Variants in CRYBG1 observed in about 807,000 individuals in gnomAD.
CRYBG1 encodes beta/gamma crystallin domain-containing protein 1.
Under a neutral mutation model 189.2 loss-of-function variants are expected in CRYBG1, and 139 were observed. That is an observed-to-expected ratio of 0.73 (90% CI 0.64 to 0.85). The LOEUF (loss-of-function observed/expected upper bound fraction) is 0.85, where lower values mean the gene tolerates loss of function less well. CRYBG1 is among the 40% of genes least tolerant of loss of function. CRYBG1 has a pLI of 0.00. For synonymous variants in CRYBG1, 1,023 were observed against 1,017.1 expected (o/e 1.01, Z -0.11); for missense variants, 2,611 against 2,675.8 (o/e 0.98, Z 0.53).
At chr6:106,413,876 C>G (rs924977176) in intron 1 of CRYBG1, among the ~76,000 whole-genome samples, 1 of 152,154 alleles carries the variant, frequency 6.6e-6, no homozygotes, top group Non-Finnish European at 1.5e-5. Flanking sequence ...GATGGTAAAG[C>G]TGTGTGATCT....
intron 1 of CRYBG1, among the ~76,000 whole-genome samples, chr6:106,418,827 G>C (rs539742756): frequency 2.9e-4 from 44 of 152,354 alleles, no homozygotes; most frequent in Non-Finnish European, 5.3e-4. Flanking sequence ...AGAGAAAAGA[G>C]AATAGTTCTG....
At chr6:106,547,825 A>C (rs990797805) in intron 13 of CRYBG1, among the ~76,000 whole-genome samples, 4 of 152,168 alleles carry the variant, frequency 2.6e-5, no homozygotes, top group African/African-American at 9.7e-5. Flanking sequence ...CCAGCAACTG[A>C]GGTTTTTAGG....
At chr6:106,509,409 G>GA (rs1773198582) in intron 2 of CRYBG1, among the ~76,000 whole-genome samples, 3 of 151,906 alleles carry the variant, frequency 2.0e-5, no homozygotes, top group African/African-American at 7.3e-5. Flanking sequence ...ATCATACTTC[G>GA]AATTCTTCCT....
chr6:106,568,703 C>G lies in CRYBG1; in HGVS notation c.*137C>G, dbSNP rs1224813350. On this transcript the variant is annotated 3_prime_UTR_variant, in exon 22 of 22. Coordinates refer to ENST00000633556, the MANE Select transcript of CRYBG1 (RefSeq NM_001371242.2). ...ATTCTAAATTCAACCTTAAATCATGCTGCCATGACTCAGAGAACTTACTCA... is the reference window on the plus strand; with the variant it reads ...ATTCTAAATTCAACCTTAAATCATGGTGCCATGACTCAGAGAACTTACTCA... The G allele has an allele frequency of 1.7e-6, 1 of 602,704 alleles. No homozygotes were observed. The highest frequency in any genetic ancestry group is 2.9e-6 in the Non-Finnish European group (1 of 340,888). 37.3% of individuals were successfully genotyped at this position (602,704 alleles called of 1,614,324 possible).
chr6:106,398,426 A>G (rs775585833), intron 1 of CRYBG1, among the ~76,000 whole-genome samples: 3 of 152,196 alleles, frequency 2.0e-5, no homozygotes, highest in African/African-American at 4.8e-5. Context: ...CCTGGATGAC[A>G]GAGCCAGACC....
chr6:106,403,619 A>G (rs1770764777), intron 1 of CRYBG1, among the ~76,000 whole-genome samples: 1 of 152,256 alleles, frequency 6.6e-6, no homozygotes, highest in Admixed American at 6.5e-5. Flanking sequence ...AAACACACAT[A>G]TACACACACG....
chr6:106,542,021 A>T (rs1774141072), intron 10 of CRYBG1, among the ~76,000 whole-genome samples: 1 of 152,118 alleles, frequency 6.6e-6, no homozygotes, highest in South Asian at 2.1e-4. Context: ...CAATTCCCAC[A>T]TCGATGCCAC....
At chr6:106,474,868 C>T (rs547081659) in intron 2 of CRYBG1, among the ~76,000 whole-genome samples, 1 of 152,240 alleles carries the variant, frequency 6.6e-6, no homozygotes, top group South Asian at 2.1e-4. Context: ...AGTTTGTTAA[C>T]TTGATTTGAA....
chr6:106,513,276 A>G (rs979863097), intron 3 of CRYBG1, among the ~76,000 whole-genome samples: 1 of 152,232 alleles, frequency 6.6e-6, no homozygotes, highest in Non-Finnish European at 1.5e-5. Flanking sequence ...TAACGAATGT[A>G]AAAATAGGAT....
chr6:106,394,418 G>T (rs1437532374), intron 1 of CRYBG1, among the ~76,000 whole-genome samples: 1 of 152,112 alleles, frequency 6.6e-6, no homozygotes, highest in Non-Finnish European at 1.5e-5. Context: ...ATATACTTGA[G>T]AATTTATTGT....
rs773415153 is a variant in CRYBG1, at chr6:106,512,371, G to C, written c.1254G>C (p.Ser418=). 4 of 1,611,372 alleles carry C rather than the reference G, an allele frequency of 2.5e-6. No homozygotes were observed. Among genetic ancestry groups the C allele is most frequent in the Non-Finnish European group, 3.4e-6 (4 of 1,179,324 alleles). ...AGAAGAGGTCCAGCGGCCGTAGGTC[G>C]GGGAGGCGGAGGGGGTCGCAGAAAT... The part of the protein sequence containing the change: ...DMEKRSSGRR[S]GRRRGSQKST... Residue 418 remains serine (S), a synonymous_variant, in exon 3 of 22, where the codon TCG becomes TCC. Coordinates refer to ENST00000633556, the MANE Select transcript of CRYBG1 (RefSeq NM_001371242.2).
rs761681792 is a variant in CRYBG1, at chr6:106,563,946, T to C, written c.6301+20T>C. The C allele has an allele frequency of 3.8e-6, 6 of 1,591,658 alleles. No individual in the cohort carries two copies. Among genetic ancestry groups the C allele is most frequent in the Admixed American group, 3.4e-5 (2 of 59,686 alleles). On this transcript the variant is annotated intron_variant, in intron 21 of 21. Coordinates refer to ENST00000633556, the MANE Select transcript of CRYBG1 (RefSeq NM_001371242.2). ...TTAAAGGTAAGGGTCACTTCCTTTA[T>C]TTTCTTTATTGTAATGTGTATGTCT...
At chr6:106,483,735 T>C (rs544619918) in intron 2 of CRYBG1, among the ~76,000 whole-genome samples, 5 of 152,324 alleles carry the variant, frequency 3.3e-5, no homozygotes, top group South Asian at 2.1e-4. Context: ...TGATAACTCA[T>C]TGTGGTTTTG....
At chr6:106,567,996 T>C (rs1774942036) in intron 21 of CRYBG1, among the ~76,000 whole-genome samples, 1 of 146,522 alleles carries the variant, frequency 6.8e-6, no homozygotes, top group Non-Finnish European at 1.5e-5. Context: ...TCATTGTTCA[T>C]GCAAGTGCTG....
chr6:106,412,539 A>C lies in CRYBG1; in HGVS notation c.174-39155A>C, dbSNP rs569117888. 9.9e-5 allele frequency among the ~76,000 whole-genome samples: 15 copies of C among 152,272 alleles called. No homozygotes were observed. In the South Asian group the frequency reaches 2.9e-3, roughly 29 times the overall value. ...TTATTACATTACTGTTTTACCCCAC[A>C]CATGTGTAAGGTGGCATGGATTGTT... On this transcript the variant is annotated intron_variant, in intron 1 of 21. Coordinates refer to ENST00000633556, the MANE Select transcript of CRYBG1 (RefSeq NM_001371242.2).
Position 106,519,489 on chromosome 6 carries a change from C to T in CRYBG1, c.2281C>T (p.Leu761=), listed in dbSNP as rs1444942197. Reference sequence around the variant, plus strand: ...AGTTACCGTCTCGGAAGAAGAGATTCTGCCAGCAACCAGAGGAATGAATGG... The same window carrying T: ...AGTTACCGTCTCGGAAGAAGAGATTTTGCCAGCAACCAGAGGAATGAATGG... ...TKVTVSEEEI[L]PATRGMNGDS... The change falls in exon 4 of 22, where the codon CTG becomes TTG. Residue 761 remains leucine (L), a synonymous_variant. Coordinates refer to ENST00000633556, the MANE Select transcript of CRYBG1 (RefSeq NM_001371242.2). The T allele has an allele frequency of 3.7e-6, 6 of 1,614,094 alleles. No homozygotes were observed. Among genetic ancestry groups the T allele is most frequent in the East Asian group, 4.5e-5 (2 of 44,890 alleles).
At chr6:106,433,784 TA>T (rs1562305918) in intron 1 of CRYBG1, among the ~76,000 whole-genome samples, 9 of 136,696 alleles carry the variant, frequency 6.6e-5, no homozygotes, top group Non-Finnish European at 9.3e-5. Flanking sequence ...TATATATATA[TA>T]AACATACACA....
chr6:106,540,972 A>G (rs374194016), intron 9 of CRYBG1, among the ~76,000 whole-genome samples: 5 of 152,310 alleles, frequency 3.3e-5, no homozygotes, highest in Middle Eastern at 3.4e-3. Context: ...AACCCCTCAT[A>G]GACTCATCCT....
chr6:106,377,062 TC>T (rs1309920550), intron 1 of CRYBG1, among the ~76,000 whole-genome samples: 1 of 152,230 alleles, frequency 6.6e-6, no homozygotes, highest in Non-Finnish European at 1.5e-5. Flanking sequence ...CAGGATACCT[TC>T]CCTGCCAAAT....
Sources: allele counts gnomAD v4.1 joint callset (sites outside exome capture counted in the v4.1 genomes callset), GRCh38; gene constraint gnomAD v4.1.1; transcripts MANE v1.5; gene names NCBI Gene and HGNC (gene_info 2026-07-23, HGNC 2026-07-21).